Variants in PRKCB observed in about 807,000 individuals in gnomAD.
PRKCB encodes the protein protein kinase C beta.
Under a neutral mutation model 81.5 loss-of-function variants are expected in PRKCB, and 13 were observed. The ratio of observed to expected loss-of-function variants is 0.16; its 90% CI spans 0.10 to 0.25. The LOEUF is 0.25. Ranked by LOEUF, PRKCB falls within the 10% of genes least tolerant of loss-of-function variation. The pLI is 1.00. For synonymous variants in PRKCB, 335 were observed against 321.4 expected, an observed-to-expected ratio of 1.04 and a Z score of -0.45; for missense variants, 509 against 875.7, an observed-to-expected ratio of 0.58 and a Z score of 5.29.
chr16:23,992,615 C>T (rs1207015119), intron 3 of PRKCB, among the ~76,000 whole-genome samples: 1 of 152,194 alleles, frequency 6.6e-6, no homozygotes. Context: ...GAATTCCCAG[C>T]TCAAAGAGTT....
chr16:24,062,204 G>C (rs976349748), intron 5 of PRKCB, among the ~76,000 whole-genome samples: 1 of 152,232 alleles, frequency 6.6e-6, no homozygotes, highest in Non-Finnish European at 1.5e-5. Context: ...GGAGGTTCTT[G>C]TGATCTGGGC....
chr16:23,961,192 G>A (rs1052568216), intron 2 of PRKCB, among the ~76,000 whole-genome samples: 5 of 152,160 alleles, frequency 3.3e-5, no homozygotes, highest in African/African-American at 9.7e-5. Context: ...ACAGGCGTGA[G>A]CCACTGTGCC....
At chr16:23,898,557 T>C (rs1478735057) in intron 2 of PRKCB, among the ~76,000 whole-genome samples, 3 of 151,716 alleles carry the variant, frequency 2.0e-5, no homozygotes, top group African/African-American at 7.3e-5. Context: ...AAGAATGGGG[T>C]AGGTGAGCAT....
At chr16:24,169,677 T>C (rs1967409694) in intron 10 of PRKCB, among the ~76,000 whole-genome samples, 2 of 152,164 alleles carry the variant, frequency 1.3e-5, no homozygotes, top group Admixed American at 6.6e-5. Context: ...GGAACTCCTT[T>C]CTCCCATCTC....
chr16:24,012,795 C>G (rs1049631501), intron 3 of PRKCB, among the ~76,000 whole-genome samples: 49 of 152,348 alleles, frequency 3.2e-4, no homozygotes, highest in Admixed American at 7.8e-4. Flanking sequence ...ACTCATGAGG[C>G]CCTGCGTGCT....
At position 23,951,724 on chromosome 16, in the gene PRKCB, CT is replaced by C. The variant is rs113534021; in HGVS notation, c.206-36773del. Among the ~76,000 whole-genome samples the C allele has an allele frequency of 3.1e-3, 447 of 145,216 alleles. 1 individual carries two copies. The highest frequency in any genetic ancestry group is 8.5e-3 in the African/African-American group (337 of 39,688). On this transcript the variant is annotated intron_variant, in intron 2 of 16. Coordinates refer to ENST00000643927, the MANE Select transcript of PRKCB (RefSeq NM_002738.7). ...TGAGCCACTGCACCTGGTCCCCTGT[CT>C]TTTTTTTTTTAATTAATTGATAGTA...
chr16:23,969,113 T>C (rs1964524983), intron 2 of PRKCB, among the ~76,000 whole-genome samples: 1 of 152,086 alleles, frequency 6.6e-6, no homozygotes, highest in African/African-American at 2.4e-5. Context: ...GAGGTTGCAG[T>C]GAGCTGAGAT....
At chr16:24,148,061 T>A (rs1414041038) in intron 9 of PRKCB, among the ~76,000 whole-genome samples, 1 of 151,912 alleles carries the variant, frequency 6.6e-6, no homozygotes, top group East Asian at 1.9e-4. Flanking sequence ...GAGATGGGAG[T>A]CAGCATCTGC....
At position 24,030,709 on chromosome 16, in the gene PRKCB, C is replaced by T. The variant is rs1032859129; in HGVS notation, c.289-1427C>T. 3.7e-5 allele frequency among the ~76,000 whole-genome samples: 4 copies of T among 108,372 alleles called. No individual in the cohort carries two copies. The Admixed American group carries it at 4.3e-4, about 12-fold the overall frequency. 71.1% of individuals were successfully genotyped at this position (108,372 alleles called of 152,430 possible). A position where few individuals can be genotyped will look rare whatever the true frequency, so the allele number is the denominator to read the frequency against. On this transcript the variant is annotated intron_variant, in intron 3 of 16. Coordinates refer to ENST00000643927, the MANE Select transcript of PRKCB (RefSeq NM_002738.7). ...GCCTGGGCAACATAGTGAGACCCCC[C>T]TCTCTACAAAAAAAAAAAAAAAATT...
intron 2 of PRKCB, among the ~76,000 whole-genome samples, chr16:23,901,830 AAGTC>A (rs1264183406): frequency 6.6e-6 from 1 of 152,132 alleles, no homozygotes; most frequent in Non-Finnish European, 1.5e-5. Flanking sequence ...GAGGCCATAA[AAGTC>A]AGTCTGGGTT....
intron 5 of PRKCB, among the ~76,000 whole-genome samples, chr16:24,077,637 C>A (rs1262787343): frequency 2.6e-5 from 4 of 152,210 alleles, no homozygotes; most frequent in Non-Finnish European, 5.9e-5. Context: ...CCAGCACTCT[C>A]TTTTAGTGCT....
Position 23,950,436 on chromosome 16 carries a change from T to C in PRKCB, c.206-38072T>C, listed in dbSNP as rs145124660. On this transcript the variant is annotated intron_variant, in intron 2 of 16. Transcript: ENST00000643927. The stretch of plus-strand genomic sequence containing the variant: ...GCTGACTTCCCAGGACTGGGCCAGC[T>C]AAAAGCTAAGCAGTATGGGTAAGAG... 1.6e-3 allele frequency among the ~76,000 whole-genome samples: 237 copies of C among 152,316 alleles called. 2 individuals carry two copies. The highest frequency in any genetic ancestry group is 5.3e-3 in the African/African-American group (219 of 41,564).
At chr16:23,878,065 C>G (rs573021002) in intron 2 of PRKCB, among the ~76,000 whole-genome samples, 1 of 152,138 alleles carries the variant, frequency 6.6e-6, no homozygotes, top group Non-Finnish European at 1.5e-5. Context: ...AACTCCTGAC[C>G]TCAGGTGATC....
chr16:23,902,895 C>A (rs1963504831), intron 2 of PRKCB, among the ~76,000 whole-genome samples: 1 of 150,080 alleles, frequency 6.7e-6, no homozygotes. Flanking sequence ...CCTTGAACTA[C>A]TGGGCTCAAG....
chr16:24,021,072 C>CT (rs869305099), intron 3 of PRKCB, among the ~76,000 whole-genome samples: 5 of 94,372 alleles, frequency 5.3e-5, no homozygotes, highest in Admixed American at 1.0e-4. Flanking sequence ...CCCTCCCTCC[C>CT]TTCTTTCTTT....
At chr16:24,014,191 T>C (rs1965243562) in intron 3 of PRKCB, among the ~76,000 whole-genome samples, 1 of 151,926 alleles carries the variant, frequency 6.6e-6, no homozygotes, top group Non-Finnish European at 1.5e-5. Flanking sequence ...GTTGTGATCT[T>C]GCATTTACGG....
chr16:24,142,202 T>C (rs1223456317), intron 9 of PRKCB, among the ~76,000 whole-genome samples: 1 of 152,208 alleles, frequency 6.6e-6, no homozygotes, highest in Non-Finnish European at 1.5e-5. Flanking sequence ...GAGCTCATGA[T>C]TCCAAAGTCT....
intron 2 of PRKCB, among the ~76,000 whole-genome samples, chr16:23,908,554 G>C (rs150197654): frequency 1.3e-5 from 2 of 151,636 alleles, no homozygotes; most frequent in Non-Finnish European, 2.9e-5. Flanking sequence ...TTTTTGAGAC[G>C]GATTCTCGCT....
chr16:24,051,433 G>T (rs1029358819), intron 5 of PRKCB, among the ~76,000 whole-genome samples: 3 of 152,158 alleles, frequency 2.0e-5, no homozygotes, highest in African/African-American at 7.2e-5. Flanking sequence ...GAAGGAGTTG[G>T]TTGGAGGTTT....
Sources: gnomAD v4.1 joint callset for allele counts (sites outside exome capture counted in the v4.1 genomes callset) on GRCh38, gnomAD v4.1.1 for gene constraint, MANE v1.5 for transcripts, NCBI Gene and HGNC (gene_info 2026-07-23, HGNC 2026-07-21) for gene names.